PCDHGA3: variants seen among roughly 807,000 people sequenced by gnomAD.
PCDHGA3 encodes the protein protocadherin gamma subfamily A, 3.
PCDHGA3 carries 40 observed loss-of-function variants against 58.5 expected under a neutral mutation model. The observed-to-expected ratio is 0.68, with a 90% CI of 0.53 to 0.89. PCDHGA3 has a LOEUF of 0.89. Among genes scored for constraint, PCDHGA3 ranks in the 40% least tolerant of loss-of-function variants. The pLI, the probability that PCDHGA3 is intolerant of heterozygous loss-of-function variation, is 0.00. For synonymous variants in PCDHGA3, 530 were observed against 525.7 expected (o/e 1.01, Z -0.11); for missense variants, 1,223 against 1,195.9 (o/e 1.02, Z -0.33).
chr5:141,410,329 G>A, intron 1 of PCDHGA3: 4 of 1,613,982 alleles, frequency 2.5e-6, no homozygotes, highest in Non-Finnish European at 3.4e-6. Flanking sequence ...CCGTGATTCT[G>A]GCCATTGCCT....
At chr5:141,427,059 G>C (rs751016646) in intron 1 of PCDHGA3, 1 of 457,744 alleles carries the variant, frequency 2.2e-6, no homozygotes, top group South Asian at 1.5e-5. Context: ...AGGCACCTCT[G>C]TACTAAAGGT....
intron 1 of PCDHGA3, among the ~76,000 whole-genome samples, chr5:141,471,120 C>T (rs560582806): frequency 6.7e-6 from 1 of 149,470 alleles, no homozygotes; most frequent in South Asian, 2.1e-4. Context: ...GCGATCTTAC[C>T]TTCACTGCAA....
chr5:141,483,648 T>TTG (rs111458813), intron 1 of PCDHGA3, among the ~76,000 whole-genome samples: 1,883 of 149,700 alleles, frequency 0.013, 19 homozygotes, highest in African/African-American at 0.023. Flanking sequence ...GGGTGTGTGT[T>TTG]TGTGTGTGTG....
At chr5:141,505,154 C>T (rs1443235547) in intron 2 of PCDHGA3, among the ~76,000 whole-genome samples, 2 of 152,028 alleles carry the variant, frequency 1.3e-5, no homozygotes, top group Non-Finnish European at 2.9e-5. Flanking sequence ...AGAGTAAGAC[C>T]CTGTCTAAAA....
At chr5:141,370,986 G>T in intron 1 of PCDHGA3, 1 of 1,613,992 alleles carries the variant, frequency 6.2e-7, no homozygotes, top group Non-Finnish European at 8.5e-7. Flanking sequence ...AGTACTGAAA[G>T]CACCCCTGGA....
intron 1 of PCDHGA3, chr5:141,415,644 A>G: frequency 6.2e-7 from 1 of 1,600,070 alleles, no homozygotes; most frequent in Non-Finnish European, 8.5e-7. Flanking sequence ...CTTTTGTTAA[A>G]AAAAAAAAGA....
chr5:141,388,514 GA>G (rs1218773677), intron 1 of PCDHGA3: 33 of 1,613,840 alleles, frequency 2.0e-5, no homozygotes, highest in Non-Finnish European at 2.8e-5. Flanking sequence ...CCTACCACTT[GA>G]CTTTGACTGC....
chr5:141,463,086 GC>G (rs1171354311), intron 1 of PCDHGA3, among the ~76,000 whole-genome samples: 1 of 152,098 alleles, frequency 6.6e-6, no homozygotes, highest in African/African-American at 2.4e-5. Context: ...ACATTTTCCA[GC>G]CCTATGTGAC....
chr5:141,401,394 T>C (rs1444370873), intron 1 of PCDHGA3, among the ~76,000 whole-genome samples: 1 of 152,158 alleles, frequency 6.6e-6, no homozygotes, highest in Non-Finnish European at 1.5e-5. Context: ...CTACATGTTA[T>C]GTGTATGAGA....
At chr5:141,455,740 G>C (rs2098830344) in intron 1 of PCDHGA3, among the ~76,000 whole-genome samples, 1 of 152,136 alleles carries the variant, frequency 6.6e-6, no homozygotes, top group Non-Finnish European at 1.5e-5. Context: ...GCATATCAAA[G>C]GTTGCTGGCC....
chr5:141,395,127 C>T (rs767438347), intron 1 of PCDHGA3: 2 of 1,614,200 alleles, frequency 1.2e-6, no homozygotes, highest in African/African-American at 1.3e-5. Context: ...GATCTTTCCC[C>T]AGCCCAACTA....
intron 1 of PCDHGA3, chr5:141,403,862 G>A (rs1370445288): frequency 1.2e-6 from 2 of 1,613,508 alleles, no homozygotes; most frequent in East Asian, 2.2e-5. Flanking sequence ...AATATCAACA[G>A]CAAAAAGTCT....
chr5:141,450,908 G>A (rs1248622378), intron 1 of PCDHGA3, among the ~76,000 whole-genome samples: 12 of 147,640 alleles, frequency 8.1e-5, no homozygotes, highest in East Asian at 6.0e-4. Flanking sequence ...CACTGCAACC[G>A]CTGCCTCCCA....
intron 1 of PCDHGA3, among the ~76,000 whole-genome samples, chr5:141,450,022 T>TTTTC: frequency 6.7e-6 from 1 of 149,424 alleles, no homozygotes; most frequent in Admixed American, 6.7e-5. Context: ...TTTTTTTTTT[T>TTTTC]TTGAGACAGG....
chr5:141,388,778 A>G, intron 1 of PCDHGA3: 1 of 1,613,944 alleles, frequency 6.2e-7, no homozygotes, highest in Non-Finnish European at 8.5e-7. Flanking sequence ...ACACCGGGGA[A>G]ATTACTGTTT....
chr5:141,446,222 G>C (rs74509878), intron 1 of PCDHGA3, among the ~76,000 whole-genome samples: 7,034 of 152,204 alleles, frequency 0.046, 244 homozygotes, highest in African/African-American at 0.093. Flanking sequence ...ATATTGTTGT[G>C]TTGCCTGGCA....
intron 3 of PCDHGA3, among the ~76,000 whole-genome samples, chr5:141,507,760 T>G (rs2099863136): frequency 6.6e-6 from 1 of 152,202 alleles, no homozygotes; most frequent in Non-Finnish European, 1.5e-5. Context: ...GCCTCCCACC[T>G]TTGGCCCACA....
At chr5:141,397,642 T>A (rs1015821056) in intron 1 of PCDHGA3, among the ~76,000 whole-genome samples, 1 of 152,236 alleles carries the variant, frequency 6.6e-6, no homozygotes, top group African/African-American at 2.4e-5. Context: ...GTTCAAGGTA[T>A]GTTTGCAGAA....
At chr5:141,385,170 C>T (rs1561606866) in intron 1 of PCDHGA3, 2 of 1,614,212 alleles carry the variant, frequency 1.2e-6, no homozygotes, top group Non-Finnish European at 1.7e-6. Flanking sequence ...CCCATGAGGT[C>T]TCCCTCACCG....
Sources: allele counts gnomAD v4.1 joint callset (sites outside exome capture counted in the v4.1 genomes callset), GRCh38; gene constraint gnomAD v4.1.1; transcripts MANE v1.5; gene names NCBI Gene and HGNC (gene_info 2026-07-23, HGNC 2026-07-21).